The following FSTL5 variants were observed in gnomAD, a reference collection of about 807,000 sequenced individuals.
FSTL5 encodes follistatin like 5.
In FSTL5, 62 loss-of-function variants were observed where a neutral mutation model predicts 89.1. That is an observed-to-expected ratio of 0.70 (90% confidence interval 0.57 to 0.86). FSTL5 has a LOEUF of 0.86. Ranked by LOEUF, FSTL5 falls within the 40% of genes least tolerant of loss-of-function variation. FSTL5 has a pLI of 0.00. For missense variants in FSTL5, 1,057 were observed against 1,001.6 expected (o/e 1.06, Z -0.75); for synonymous variants, 383 against 346.2 (o/e 1.11, Z -1.18).
chr4:161,434,213 A>C (rs1436310316), intron 15 of FSTL5, among the ~76,000 whole-genome samples: 1 of 152,126 alleles, frequency 6.6e-6, no homozygotes, highest in Non-Finnish European at 1.5e-5. Flanking sequence ...CACATAGACC[A>C]ATGGAACAGA....
At chr4:162,152,395 G>A (rs189996013) in intron 1 of FSTL5, among the ~76,000 whole-genome samples, 13 of 152,196 alleles carry the variant, frequency 8.5e-5, no homozygotes, top group East Asian at 3.9e-4. Flanking sequence ...CTTTGTAAGC[G>A]CACTAACTCT....
chr4:162,004,103 T>C (rs576271460), intron 3 of FSTL5, among the ~76,000 whole-genome samples: 1 of 152,304 alleles, frequency 6.6e-6, no homozygotes, highest in East Asian at 1.9e-4. Context: ...TAGAAATGAA[T>C]ATTTCTATTA....
At chr4:161,643,584 C>T (rs1736040239) in intron 7 of FSTL5, among the ~76,000 whole-genome samples, 1 of 151,388 alleles carries the variant, frequency 6.6e-6, no homozygotes. Context: ...GCAGTTAAAT[C>T]AATATTTGTT....
chr4:162,041,600 T>C (rs1737961720), intron 2 of FSTL5, among the ~76,000 whole-genome samples: 1 of 152,152 alleles, frequency 6.6e-6, no homozygotes, highest in African/African-American at 2.4e-5. Flanking sequence ...AAAATTGTAG[T>C]TGCTTCTTAT....
At chr4:162,067,562 A>C (rs1003449326) in intron 2 of FSTL5, among the ~76,000 whole-genome samples, 11 of 152,110 alleles carry the variant, frequency 7.2e-5, no homozygotes, top group Non-Finnish European at 1.2e-4. Flanking sequence ...ACCTCAAAAT[A>C]ATAAGAGCCA....
At chr4:161,623,423 T>C (rs1366943060) in intron 7 of FSTL5, among the ~76,000 whole-genome samples, 1 of 149,204 alleles carries the variant, frequency 6.7e-6, no homozygotes, top group Non-Finnish European at 1.5e-5. Flanking sequence ...TAAATTATCC[T>C]ACATTTTAAT....
intron 1 of FSTL5, among the ~76,000 whole-genome samples, chr4:162,114,148 G>C (rs910869752): frequency 1.3e-5 from 2 of 152,052 alleles, no homozygotes; most frequent in Admixed American, 1.3e-4. Context: ...AAACTAACCT[G>C]AGCAAACTAA....
intron 6 of FSTL5, among the ~76,000 whole-genome samples, chr4:161,671,904 C>G (rs1037397476): frequency 1.3e-5 from 2 of 152,084 alleles, no homozygotes; most frequent in African/African-American, 4.8e-5. Flanking sequence ...TCTTAACATC[C>G]GATCAAAATA....
intron 4 of FSTL5, among the ~76,000 whole-genome samples, chr4:161,798,948 C>T (rs527272809): frequency 2.6e-5 from 4 of 151,540 alleles, no homozygotes; most frequent in Admixed American, 6.6e-5. Flanking sequence ...AATTATGAGG[C>T]GCTAAGAAGT....
chr4:161,409,865 C>A (rs945699850), intron 15 of FSTL5, among the ~76,000 whole-genome samples: 1 of 152,096 alleles, frequency 6.6e-6, no homozygotes, highest in Non-Finnish European at 1.5e-5. Context: ...ATGACAGGAT[C>A]AAAATCACAT....
At chr4:161,399,605 C>G (rs548666874) in intron 15 of FSTL5, among the ~76,000 whole-genome samples, 6 of 152,128 alleles carry the variant, frequency 3.9e-5, no homozygotes, top group Admixed American at 3.3e-4. Flanking sequence ...GGGAGCATTT[C>G]CACATCACTT....
At chr4:161,676,324 A>C (rs767026874) in intron 6 of FSTL5, among the ~76,000 whole-genome samples, 1 of 152,046 alleles carries the variant, frequency 6.6e-6, no homozygotes, top group Non-Finnish European at 1.5e-5. Flanking sequence ...TATGCAGTCA[A>C]AAAAAAGGAT....
intron 4 of FSTL5, among the ~76,000 whole-genome samples, chr4:161,892,168 T>A (rs1733008378): frequency 6.6e-6 from 1 of 152,024 alleles, no homozygotes; most frequent in Admixed American, 6.6e-5. Flanking sequence ...TTCAATAATA[T>A]CATTCTTTGA....
At chr4:161,947,142 ATGTGTGTGTG>A (rs70937698) in intron 3 of FSTL5, among the ~76,000 whole-genome samples, 1 of 148,476 alleles carries the variant, frequency 6.7e-6, no homozygotes, top group Admixed American at 6.7e-5. Context: ...GTGTGTGTGT[ATGTGTGTGTG>A]TGTGTGTGTG....
At chr4:161,714,279 A>C (rs574973026) in intron 6 of FSTL5, among the ~76,000 whole-genome samples, 14 of 152,102 alleles carry the variant, frequency 9.2e-5, no homozygotes, top group Admixed American at 3.3e-4. Flanking sequence ...TGTAAATCAA[A>C]ACCTGAAATT....
chr4:161,773,580 A>C (rs902136653), intron 5 of FSTL5, among the ~76,000 whole-genome samples: 1 of 152,214 alleles, frequency 6.6e-6, no homozygotes, highest in African/African-American at 2.4e-5. Context: ...AATGGCCAAC[A>C]AACATGAAAA....
intron 8 of FSTL5, among the ~76,000 whole-genome samples, chr4:161,542,969 A>G (rs1163096190): frequency 6.6e-6 from 1 of 151,958 alleles, no homozygotes; most frequent in Non-Finnish European, 1.5e-5. Flanking sequence ...GATGAGGCAT[A>G]CCAAAAGGAT....
chr4:161,929,734 A>G (rs1469035713), intron 3 of FSTL5, among the ~76,000 whole-genome samples: 1 of 150,496 alleles, frequency 6.6e-6, no homozygotes, highest in East Asian at 2.0e-4. Flanking sequence ...TATAGCTTAG[A>G]AAAACATCTA....
intron 6 of FSTL5, among the ~76,000 whole-genome samples, chr4:161,686,635 T>G (rs968291980): frequency 2.0e-5 from 3 of 151,666 alleles, no homozygotes; most frequent in Non-Finnish European, 2.9e-5. Context: ...GGACATATAT[T>G]TGTATCATTG....
Sources: allele counts gnomAD v4.1 joint callset (sites outside exome capture counted in the v4.1 genomes callset), GRCh38; gene constraint gnomAD v4.1.1; transcripts MANE v1.5; gene names NCBI Gene and HGNC (gene_info 2026-07-23, HGNC 2026-07-21).